Variants in DLG4 observed in about 807,000 individuals in gnomAD.
The protein encoded by DLG4 is disks large homolog 4.
In DLG4, 7 loss-of-function variants were observed where a neutral mutation model predicts 93.8. The ratio of observed to expected loss-of-function variants is 0.07; its 90% CI spans 0.04 to 0.14. DLG4 has a LOEUF of 0.14. DLG4 is among the 10% of genes least tolerant of loss of function. The pLI is 1.00. For synonymous variants in DLG4, 341 were observed against 387.6 expected (o/e 0.88, Z 1.41); for missense variants, 545 against 992.9 (o/e 0.55, Z 6.06).
Position 7,208,433 on chromosome 17 carries a change from C to T in DLG4, c.31-194G>A, listed in dbSNP as rs1394916099. On this transcript the variant is annotated intron_variant, in intron 1 of 19. Coordinates refer to ENST00000399506, the MANE Select transcript of DLG4 (RefSeq NM_001321075.3). The surrounding 1 kb of genome is among the most constrained non-coding windows in gnomAD (Gnocchi z 5.4). ...CTCTCCCAACAGCCCCCTCTCCCGC[C>T]AGGGCCTCAGCACCTCTCATCAATC... Among the ~76,000 whole-genome samples the T allele has an allele frequency of 2.6e-5, 4 of 152,030 alleles. No individual in the cohort carries two copies. The highest frequency in any genetic ancestry group is 6.5e-5 in the Admixed American group (1 of 15,270).
Position 7,196,836 on chromosome 17 carries a change from C to T in DLG4, c.1004G>A (p.Gly335Asp). 6.2e-7 allele frequency: 1 copy of T among 1,613,432 alleles called. No homozygotes were observed. The highest frequency in any genetic ancestry group is 8.5e-7 in the Non-Finnish European group (1 of 1,179,698). ...FNIVGGEDGE[G>D]IFISFILAGG... ...GGCCAGGATAAAGGAGATGAAGATG[C>T]CTTCACCGTCCTCGCCACCCACGAT... Residue 335 changes from glycine (G) to aspartate (D), a missense_variant, in exon 9 of 20, where the codon GGC (glycine) becomes GAC (aspartate). By Grantham distance (94) the Gly-to-Asp change is moderately conservative (BLOSUM62 -1). This residue lies in a region of DLG4 where 428 missense variants were observed against 741.4 expected (regional missense o/e 0.58). Coordinates refer to ENST00000399506, the MANE Select transcript of DLG4 (RefSeq NM_001321075.3). The surrounding 1 kb of genome is among the most constrained non-coding windows in gnomAD (Gnocchi z 8.3).
intron 19 of DLG4, 45 bp from the exon 20 acceptor site, chr17:7,190,859 A>G: frequency 6.6e-7 from 1 of 1,522,338 alleles, no homozygotes; most frequent in Non-Finnish European, 9.1e-7. Flanking sequence ...GAAGGGCCAG[A>G]GGACACCTGG....
At chr17:7,192,755 T>A (rs1597441460) in intron 17 of DLG4, among the ~76,000 whole-genome samples, 190 bp downstream of exon 17, 1 of 136,656 alleles carries the variant, frequency 7.3e-6, no homozygotes, top group Non-Finnish European at 1.6e-5. Context: ...GTGAGGGAGG[T>A]GGGAGAGAGA....
chr17:7,194,223 A>G lies in DLG4; in HGVS notation c.1478+96T>C. ...CCAACAGACAAACCCCTAGGAGTTC[A>G]GAGGGCAAACCCATCCCCTGTTGGC... On this transcript the variant is annotated intron_variant, in intron 12 of 19. Transcript: ENST00000399506. The surrounding 1 kb of genome is among the most constrained non-coding windows in gnomAD (Gnocchi z 4.4). 6.8e-7 allele frequency: 1 copy of G among 1,477,970 alleles called. No homozygotes were observed. Among genetic ancestry groups the G allele is most frequent in the Non-Finnish European group, 9.1e-7 (1 of 1,100,752 alleles). 91.6% of individuals were successfully genotyped at this position (1,477,970 alleles called of 1,614,324 possible).
rs200123771 is a variant in DLG4 at position 7,193,588 on chromosome 17, C to T, written c.1592-4G>A. 10 of 1,524,992 alleles carry T rather than the reference C, an allele frequency of 6.6e-6. No homozygotes were observed. Among genetic ancestry groups the T allele is most frequent in the Non-Finnish European group, 1.8e-6 (2 of 1,139,160 alleles). 94.5% of individuals were successfully genotyped at this position (1,524,992 alleles called of 1,614,324 possible). On this transcript the variant is annotated splice_region_variant and splice_polypyrimidine_tract_variant and intron_variant, in intron 15 of 19. Coordinates refer to ENST00000399506, the MANE Select transcript of DLG4 (RefSeq NM_001321075.3). This position sits in a 1 kb window ranked among gnomAD's most constrained non-coding sequence, Gnocchi z 6.7. ...ATGATGGGGCGAGCATAGTGCACTG[C>T]AGAGAGAGCCTGGCTTAGGCCGAGC...
chr17:7,211,727 G>A (rs2070714484), intron 1 of DLG4: 3 of 543,650 alleles, frequency 5.5e-6, no homozygotes, highest in Non-Finnish European at 4.6e-6. Flanking sequence ...CTGAGGGAAG[G>A]GGGTAGGTGG....
chr17:7,190,642 A>T lies in DLG4; in HGVS notation c.*66T>A. The T allele has an allele frequency of 7.5e-7, 1 of 1,335,304 alleles. No homozygotes were observed. The highest frequency in any genetic ancestry group is 1.7e-5 in the Admixed American group (1 of 59,486). 82.7% of individuals were successfully genotyped at this position (1,335,304 alleles called of 1,614,324 possible). On this transcript the variant is annotated 3_prime_UTR_variant, in exon 20 of 20. Coordinates refer to ENST00000399506, the MANE Select transcript of DLG4 (RefSeq NM_001321075.3). ...CCGGGGGGAGCCAAGGGCTTGGGCAATTCAGTCCAGACCAAGGGCCCAGGT... is the reference window on the plus strand; with the variant it reads ...CCGGGGGGAGCCAAGGGCTTGGGCATTTCAGTCCAGACCAAGGGCCCAGGT...
At position 7,196,708 on chromosome 17, in the gene DLG4, C is replaced by G. The variant is rs2069807867; in HGVS notation, c.1083+49G>C. 6.3e-7 allele frequency: 1 copy of G among 1,582,048 alleles called. No individual in the cohort carries two copies. ...GGCCCCTCCCCAAGAGCTCTGCGCT[C>G]TGCCCTGTGGGGAGGGGGTGGTGCA... On this transcript the variant is annotated intron_variant, in intron 9 of 19. Transcript: ENST00000399506. This position sits in a 1 kb window ranked among gnomAD's most constrained non-coding sequence, Gnocchi z 8.3.
chr17:7,210,051 A>C (rs1388035723), intron 1 of DLG4, among the ~76,000 whole-genome samples: 6 of 152,140 alleles, frequency 3.9e-5, no homozygotes, highest in African/African-American at 1.2e-4. Context: ...CAAAACAAAA[A>C]AGAGAGAGGG....
intron 8 of DLG4, 57 bp downstream of exon 8, chr17:7,202,846 T>C (rs768056887): frequency 7.5e-6 from 12 of 1,602,124 alleles, no homozygotes; most frequent in African/African-American, 1.3e-5. Flanking sequence ...TGGGACTGCA[T>C]GTCATGGGTT....
intron 19 of DLG4, 90 bp from the exon 20 acceptor site, chr17:7,190,904 C>T: frequency 9.7e-7 from 1 of 1,025,736 alleles, no homozygotes; most frequent in Non-Finnish European, 1.5e-6. Context: ...GGAAGGGGCA[C>T]CTCTTTCCAA....
At position 7,194,420 on chromosome 17, in the gene DLG4, C is replaced by T; in HGVS notation, c.1377G>A (p.Val459=). The T allele has an allele frequency of 6.2e-7, 1 of 1,612,688 alleles. No individual in the cohort carries two copies. The highest frequency in any genetic ancestry group is 2.2e-5 in the East Asian group (1 of 44,838). The stretch of plus-strand genomic sequence containing the variant: ...CATCACTAGCATCGATGACATGCAG[C>T]ACATCCCCAAAGCGGAAGCTCAGGG... ...SQALSFRFGD[V]LHVIDASDEE... is the part of the protein sequence containing the mutation. The change falls in exon 12 of 20, where the codon GTG becomes GTA. Residue 459 remains valine (V), a synonymous_variant. Transcript: ENST00000399506. This position sits in a 1 kb window ranked among gnomAD's most constrained non-coding sequence, Gnocchi z 4.4.
chr17:7,201,189 GC>G (rs1443389738), intron 8 of DLG4, among the ~76,000 whole-genome samples: 1 of 152,138 alleles, frequency 6.6e-6, no homozygotes, highest in Non-Finnish European at 1.5e-5. Flanking sequence ...TCTTAACTTT[GC>G]ATATTTTTCC....
chr17:7,207,885 G>A (rs2070546853), intron 2 of DLG4, among the ~76,000 whole-genome samples: 2 of 151,996 alleles, frequency 1.3e-5, no homozygotes. Context: ...CTCCTCTGTG[G>A]GACCAAGGTG....
At position 7,191,732 on chromosome 17, in the gene DLG4, A is replaced by G; in HGVS notation, c.1976+161T>C. The G allele has an allele frequency of 1.8e-6, 1 of 569,438 alleles. No individual in the cohort carries two copies. The allele number at this position is 569,438 out of a possible 1,614,324, so 35.3% of individuals were successfully genotyped here. The stretch of plus-strand genomic sequence containing the variant: ...GCCAAGGCAGGAGAGGAGGGGAAAG[A>G]CCCGATTCCCCCACATCCTCTGGGT... On this transcript the variant is annotated intron_variant, in intron 18 of 19. Transcript: ENST00000399506. The surrounding 1 kb of genome is among the most constrained non-coding windows in gnomAD (Gnocchi z 6.6).
intron 1 of DLG4, chr17:7,214,007 GA>G (rs1379965557): frequency 8.2e-6 from 3 of 367,148 alleles, no homozygotes; most frequent in Non-Finnish European, 1.7e-5. Flanking sequence ...GGCCCATAAA[GA>G]CCCTTCCCCA....
Position 7,195,153 on chromosome 17 carries a change from T to A in DLG4, c.1302-658A>T, listed in dbSNP as rs2069708912. ...AAAGAAAATGTCCCGTGTTTCCAAA[T>A]AATGGTTACCCTTACCAGTATCAAA... On this transcript the variant is annotated intron_variant, in intron 11 of 19. Transcript: ENST00000399506. The surrounding 1 kb of genome is among the most constrained non-coding windows in gnomAD (Gnocchi z 4.3). Among the ~76,000 whole-genome samples the A allele has an allele frequency of 6.6e-6, 1 of 152,076 alleles. No homozygotes were observed. The highest frequency in any genetic ancestry group is 1.5e-5 in the Non-Finnish European group (1 of 68,002).
chr17:7,201,437 G>A (rs557806167), intron 8 of DLG4, among the ~76,000 whole-genome samples: 21 of 152,276 alleles, frequency 1.4e-4, no homozygotes, highest in Middle Eastern at 3.4e-3. Context: ...ACAGAGGCCA[G>A]GGATGCTGCT....
At chr17:7,201,478 C>T (rs904858124) in intron 8 of DLG4, among the ~76,000 whole-genome samples, 1 of 152,180 alleles carries the variant, frequency 6.6e-6, no homozygotes, top group Non-Finnish European at 1.5e-5. Context: ...AACAACCCCC[C>T]ACAATGAAGA....
Sources: allele counts gnomAD v4.1 joint callset (sites outside exome capture counted in the v4.1 genomes callset), GRCh38; gene constraint gnomAD v4.1.1; regional missense constraint gnomAD v4.1.1; non-coding constraint Gnocchi (gnomAD v3.1); transcripts MANE v1.5; gene names NCBI Gene and HGNC (gene_info 2026-07-23, HGNC 2026-07-21).